Variants in KLHL22 observed in about 807,000 individuals in gnomAD.
KLHL22 encodes the protein kelch-like protein 22.
KLHL22 carries 18 observed loss-of-function variants against 60.7 expected under a neutral mutation model. The ratio of observed to expected loss-of-function variants is 0.30; its 90% confidence interval spans 0.20 to 0.44. The LOEUF is 0.44. KLHL22 is among the 20% of genes least tolerant of loss of function. The pLI is 1.00. For synonymous variants in KLHL22, 355 were observed against 354.5 expected, an observed-to-expected ratio of 1.00 and a Z score of -0.01; for missense variants, 596 against 852.3, an observed-to-expected ratio of 0.70 and a Z score of 3.74.
chr22:20,461,308 C>T (rs2053150790), intron 4 of KLHL22, among the ~76,000 whole-genome samples: 1 of 152,044 alleles, frequency 6.6e-6, no homozygotes, highest in African/African-American at 2.4e-5. Flanking sequence ...AATCCCAGCA[C>T]TTTGGGAGGC....
chr22:20,453,231 T>C (rs773426915), intron 5 of KLHL22, among the ~76,000 whole-genome samples: 6 of 151,866 alleles, frequency 4.0e-5, no homozygotes, highest in Non-Finnish European at 5.9e-5. Context: ...TAAAAATCAA[T>C]GGTCTCAAAA....
chr22:20,477,051 C>A (rs2053427234), intron 2 of KLHL22, among the ~76,000 whole-genome samples: 1 of 151,720 alleles, frequency 6.6e-6, no homozygotes, highest in African/African-American at 2.4e-5. Context: ...ATCTTATAAT[C>A]CTTTCGGGGG....
intron 1 of KLHL22, chr22:20,491,843 A>T (rs1222009125): frequency 6.6e-6 from 1 of 152,278 alleles, no homozygotes; most frequent in East Asian, 1.9e-4. Flanking sequence ...ACACTCAGTT[A>T]TCTGTGCCTG....
In KLHL22 at chr22:20,441,807, C is replaced by A. The variant is rs2052761821; in HGVS notation, c.*266G>T. 1 of 369,852 alleles carries A rather than the reference C, an allele frequency of 2.7e-6. No homozygotes were observed. Among genetic ancestry groups the A allele is most frequent in the South Asian group, 1.4e-4 (1 of 7,062 alleles). The allele number at this position is 369,852 out of a possible 1,614,324, so 22.9% of individuals were successfully genotyped here. A position where few individuals can be genotyped will look rare whatever the true frequency, so the allele number is the denominator to read the frequency against. On this transcript the variant is annotated 3_prime_UTR_variant, in exon 7 of 7. Coordinates refer to ENST00000328879, the MANE Select transcript of KLHL22 (RefSeq NM_032775.4). ...TAGGCAGGGAGGAGAGAAGGCCAAC[C>A]CCTCCAGGGCTCACTGAGGAAGGCC...
At chr22:20,460,623 A>C (rs2053138576) in intron 4 of KLHL22, among the ~76,000 whole-genome samples, 11 of 144,714 alleles carry the variant, frequency 7.6e-5, no homozygotes, top group African/African-American at 2.5e-4. Context: ...AAAAAAAAAA[A>C]AAAAAAAAAA....
At chr22:20,476,570 C>T (rs1487612293) in intron 2 of KLHL22, among the ~76,000 whole-genome samples, 3 of 150,880 alleles carry the variant, frequency 2.0e-5, no homozygotes, top group Admixed American at 6.6e-5. Flanking sequence ...CCCGCCACGT[C>T]GCCCGGCTAA....
intron 3 of KLHL22, among the ~76,000 whole-genome samples, chr22:20,467,850 G>A (rs62219862): frequency 0.2 from 29,913 of 152,096 alleles, 3,820 homozygotes; most frequent in Non-Finnish European, 0.29. Flanking sequence ...AGTAGAGACG[G>A]GGTTTCATCG....
chr22:20,486,589 T>C (rs2053590407), intron 2 of KLHL22, among the ~76,000 whole-genome samples: 1 of 152,108 alleles, frequency 6.6e-6, no homozygotes, highest in Non-Finnish European at 1.5e-5. Context: ...CCAGTCATAC[T>C]GGGAAAAAAA....
Position 20,465,286 on chromosome 22 carries a change from C to T in KLHL22, c.684G>A (p.Gln228=), listed in dbSNP as rs755524502. ...LLYHYSLEQV[Q]ADQISLHEPP... is the part of the protein sequence containing the mutation. ...GCTCGTGCAGCGAGATCTGGTCAGC[C>T]TGCACCTGCTCCAGGCTATAATGGT... Residue 228 remains glutamine (Q), a synonymous_variant, in exon 4 of 7, where the codon CAG becomes CAA. Transcript: ENST00000328879. This position sits in a 1 kb window ranked among gnomAD's most constrained non-coding sequence, Gnocchi z 4.9. The T allele has an allele frequency of 1.9e-6, 3 of 1,613,976 alleles. No homozygotes were observed. Among genetic ancestry groups the T allele is most frequent in the Non-Finnish European group, 2.5e-6 (3 of 1,180,030 alleles).
At chr22:20,446,418 G>A (rs1197968374) in intron 6 of KLHL22, 25 bp downstream of exon 6, 3 of 1,318,194 alleles carry the variant, frequency 2.3e-6, no homozygotes, top group South Asian at 1.2e-5. Context: ...GATGACGGGT[G>A]TGGACTGCCC....
At chr22:20,451,273 G>T in intron 5 of KLHL22, 1 of 1,606,016 alleles carries the variant, frequency 6.2e-7, no homozygotes, top group African/African-American at 1.3e-5. Context: ...TGTCTCTGGA[G>T]GCTTTGATGG....
rs766485513 is a variant in KLHL22, at chr22:20,447,793, G to A, written c.1306-1117C>T. On this transcript the variant is annotated intron_variant, in intron 5 of 6. Transcript: ENST00000328879. The stretch of plus-strand genomic sequence containing the variant: ...CCTGACCTCGTGACCCACCTGCCTC[G>A]GCCTTCCAAAGTGCTAGGATTATAG... Among the ~76,000 whole-genome samples the A allele has an allele frequency of 9.9e-5, 15 of 152,230 alleles. No homozygotes were observed. In the South Asian group the frequency reaches 2.3e-3, roughly 23 times the overall value.
At chr22:20,480,377 C>T (rs1348544485) in intron 2 of KLHL22, among the ~76,000 whole-genome samples, 2 of 152,078 alleles carry the variant, frequency 1.3e-5, no homozygotes, top group Non-Finnish European at 2.9e-5. Context: ...TCACCAAGTA[C>T]CCAGTAGCAG....
intron 2 of KLHL22, chr22:20,483,757 C>G (rs2053542526): frequency 4.1e-6 from 3 of 738,336 alleles, no homozygotes; most frequent in Non-Finnish European, 7.5e-6. Flanking sequence ...CCCTTCTTCT[C>G]CAAGTGCTTC....
chr22:20,466,765 G>A (rs1443720270), intron 3 of KLHL22, among the ~76,000 whole-genome samples: 1 of 152,196 alleles, frequency 6.6e-6, no homozygotes, highest in Non-Finnish European at 1.5e-5. Flanking sequence ...GGGCTCAAGT[G>A]ATCCCTGACT....
rs914100449 is a variant in KLHL22, at chr22:20,461,468, G to A, written c.1112+3390C>T. Among the ~76,000 whole-genome samples, 5 of 149,722 alleles carry A rather than the reference G, an allele frequency of 3.3e-5. No individual in the cohort carries two copies. The Admixed American group carries it at 3.3e-4, about 10-fold the overall frequency. On this transcript the variant is annotated intron_variant, in intron 4 of 6. Transcript: ENST00000328879. ...CTCGGGAGGCTGAGGCAGGAGAATG[G>A]TGTGAACCCAGGAGGTGGAGCTTGC...
chr22:20,468,563 A>G (rs2053268094), intron 3 of KLHL22, among the ~76,000 whole-genome samples: 2 of 152,230 alleles, frequency 1.3e-5, no homozygotes, highest in Admixed American at 1.3e-4. Flanking sequence ...GAAGCCTCCA[A>G]AAGTCACTAG....
intron 5 of KLHL22, chr22:20,451,202 T>C (rs2052972072): frequency 6.3e-7 from 1 of 1,597,816 alleles, no homozygotes; most frequent in South Asian, 1.1e-5. Context: ...TGGTATTCTG[T>C]GGCCCCTATG....
intron 2 of KLHL22, among the ~76,000 whole-genome samples, chr22:20,484,911 A>T (rs2053562047): frequency 6.6e-6 from 1 of 151,978 alleles, no homozygotes; most frequent in Non-Finnish European, 1.5e-5. Flanking sequence ...AATTAAAAAA[A>T]ATTTTTTTTT....
Sources: allele counts gnomAD v4.1 joint callset (sites outside exome capture counted in the v4.1 genomes callset), GRCh38; gene constraint gnomAD v4.1.1; non-coding constraint Gnocchi (gnomAD v3.1); transcripts MANE v1.5; gene names NCBI Gene and HGNC (gene_info 2026-07-23, HGNC 2026-07-21).